BRINP1: variants seen among roughly 807,000 people sequenced by gnomAD.
The protein encoded by BRINP1 is BMP/retinoic acid inducible neural specific 1.
A neutral mutation model predicts 72.9 loss-of-function variants in BRINP1; 17 were observed. The ratio of observed to expected loss-of-function variants is 0.23; its 90% CI spans 0.16 to 0.35. BRINP1 has a LOEUF of 0.35. Among genes scored for constraint, BRINP1 ranks in the 10% least tolerant of loss-of-function variants. The probability of loss-of-function intolerance (pLI) is 1.00; values close to 1 mark genes in which losing one functional copy is unlikely to be tolerated. For missense variants in BRINP1, 850 were observed against 1,001.6 expected (o/e 0.85, Z 2.04); for synonymous variants, 418 against 378.5 (o/e 1.10, Z -1.21).
intron 7 of BRINP1, among the ~76,000 whole-genome samples, chr9:119,195,615 A>G (rs1436547645): frequency 6.6e-6 from 1 of 152,224 alleles, no homozygotes; most frequent in Non-Finnish European, 1.5e-5. Context: ...CACATGGGGT[A>G]AATTTATTTC....
At chr9:119,275,693 G>A (rs1830650087) in intron 2 of BRINP1, among the ~76,000 whole-genome samples, 1 of 152,158 alleles carries the variant, frequency 6.6e-6, no homozygotes, top group East Asian at 1.9e-4. Flanking sequence ...TACCTATAGT[G>A]CTGTTTTCAC....
At chr9:119,355,352 T>C (rs755126833) in intron 1 of BRINP1, among the ~76,000 whole-genome samples, 3 of 152,218 alleles carry the variant, frequency 2.0e-5, no homozygotes, top group Non-Finnish European at 4.4e-5. Flanking sequence ...GTGAGGCATG[T>C]TGCGAAGTGC....
chr9:119,365,948 C>A (rs1831686463), intron 1 of BRINP1, among the ~76,000 whole-genome samples: 1 of 152,096 alleles, frequency 6.6e-6, no homozygotes, highest in Non-Finnish European at 1.5e-5. Flanking sequence ...TATCTGCCTG[C>A]ACCCCGAAAC....
chr9:119,295,226 A>G (rs1830862806), intron 2 of BRINP1, among the ~76,000 whole-genome samples: 1 of 151,852 alleles, frequency 6.6e-6, no homozygotes, highest in Non-Finnish European at 1.5e-5. Flanking sequence ...CATTTTTGGT[A>G]GAGGCGGGGT....
chr9:119,210,755 C>T (rs1344602696), intron 6 of BRINP1, among the ~76,000 whole-genome samples: 1 of 152,200 alleles, frequency 6.6e-6, no homozygotes, highest in Non-Finnish European at 1.5e-5. Context: ...GGAGTCACAT[C>T]TTGAGTGCTG....
intron 2 of BRINP1, among the ~76,000 whole-genome samples, chr9:119,293,014 T>C (rs1424886656): frequency 1.3e-5 from 2 of 152,182 alleles, no homozygotes; most frequent in Non-Finnish European, 2.9e-5. Flanking sequence ...GGGCACTTTT[T>C]CTGTCTGAGT....
At chr9:119,172,519 C>T (rs1194895939) in intron 7 of BRINP1, among the ~76,000 whole-genome samples, 29 of 151,624 alleles carry the variant, frequency 1.9e-4, no homozygotes, top group Middle Eastern at 6.8e-3. Flanking sequence ...AGTCCAGGAC[C>T]AGATGGATTC....
chr9:119,203,161 A>T (rs1366057300), intron 7 of BRINP1, among the ~76,000 whole-genome samples: 2 of 152,184 alleles, frequency 1.3e-5, no homozygotes, highest in Admixed American at 6.5e-5. Flanking sequence ...GCAGTCTCCT[A>T]TCTGCCACTG....
intron 4 of BRINP1, among the ~76,000 whole-genome samples, chr9:119,241,582 A>G (rs2118911575): frequency 6.6e-6 from 1 of 152,350 alleles, no homozygotes; most frequent in South Asian, 2.1e-4. Flanking sequence ...AAGGCTTTAA[A>G]CCTTTAGCCT....
intron 5 of BRINP1, 85 bp downstream of exon 5, chr9:119,238,570 C>T: frequency 2.7e-6 from 2 of 748,486 alleles, no homozygotes; most frequent in Non-Finnish European, 4.4e-6. Flanking sequence ...TCTCCCTTCA[C>T]TCCATCCCTC....
chr9:119,264,104 T>A (rs1830524085), intron 2 of BRINP1, among the ~76,000 whole-genome samples: 1 of 152,152 alleles, frequency 6.6e-6, no homozygotes, highest in Non-Finnish European at 1.5e-5. Flanking sequence ...TGACTTCCTG[T>A]TTCTATTTAT....
chr9:119,299,560 C>A (rs1425487877), intron 2 of BRINP1, among the ~76,000 whole-genome samples: 1 of 151,358 alleles, frequency 6.6e-6, no homozygotes, highest in Non-Finnish European at 1.5e-5. Flanking sequence ...TTGCAGTGAG[C>A]CGAGACTGCA....
chr9:119,200,665 A>G (rs1216655630), intron 7 of BRINP1, among the ~76,000 whole-genome samples: 1 of 151,672 alleles, frequency 6.6e-6, no homozygotes, highest in Non-Finnish European at 1.5e-5. Context: ...GAAAAGAAAA[A>G]AGATATACTG....
chr9:119,184,090 G>GA lies in BRINP1; in HGVS notation c.1146-15867dup, dbSNP rs557758135. ...GCTACTTCCGAGCCACAGGGGGGGAGAAAAAAAGAAAAAACCAAAAACAAC... is the reference window on the plus strand; with the variant it reads ...GCTACTTCCGAGCCACAGGGGGGGAGAAAAAAAAGAAAAAACCAAAAACAAC... On this transcript the variant is annotated intron_variant, in intron 7 of 7. Transcript: ENST00000265922. Among the ~76,000 whole-genome samples the GA allele has an allele frequency of 4.7e-3, 721 of 151,986 alleles. 1 individual carries two copies. Among genetic ancestry groups the GA allele is most frequent in the Non-Finnish European group, 8.1e-3 (553 of 67,936 alleles).
intron 7 of BRINP1, among the ~76,000 whole-genome samples, chr9:119,171,221 T>C (rs1829405737): frequency 1.3e-5 from 2 of 149,316 alleles, no homozygotes; most frequent in Non-Finnish European, 3.0e-5. Flanking sequence ...ATCAGTGTGC[T>C]GTATTCAGGA....
In BRINP1 at chr9:119,368,948, G is replaced by A; in HGVS notation, c.-51+108C>T. On this transcript the variant is annotated intron_variant, in intron 1 of 7. Transcript: ENST00000265922. This position sits in a 1 kb window ranked among gnomAD's most constrained non-coding sequence, Gnocchi z 4.7. ...GCGGCCAGGTGAAGAGCGGACAAGG[G>A]TGCCGGTAGGGGGAGGGGCAGAGGA... 1 of 385,382 alleles carries A rather than the reference G, an allele frequency of 2.6e-6. No individual in the cohort carries two copies. Among genetic ancestry groups the A allele is most frequent in the Non-Finnish European group, 4.6e-6 (1 of 217,972 alleles). The allele number at this position is 385,382 out of a possible 1,614,324, so 23.9% of individuals were successfully genotyped here.
At chr9:119,339,693 A>G (rs906771254) in intron 1 of BRINP1, among the ~76,000 whole-genome samples, 6 of 152,226 alleles carry the variant, frequency 3.9e-5, no homozygotes, top group African/African-American at 1.4e-4. Flanking sequence ...TCTATTTTAC[A>G]GATGAGGAAA....
intron 3 of BRINP1, among the ~76,000 whole-genome samples, chr9:119,242,643 C>T (rs1830265457): frequency 6.6e-6 from 1 of 152,216 alleles, no homozygotes; most frequent in African/African-American, 2.4e-5. Flanking sequence ...CCCATCTCCC[C>T]TTCATTTCTT....
intron 1 of BRINP1, among the ~76,000 whole-genome samples, chr9:119,350,352 G>A (rs1831494614): frequency 6.6e-6 from 1 of 152,106 alleles, no homozygotes; most frequent in Non-Finnish European, 1.5e-5. Flanking sequence ...AAGCTCTTGA[G>A]GGTTAATAAC....
Sources: gnomAD v4.1 joint callset for allele counts (sites outside exome capture counted in the v4.1 genomes callset) on GRCh38, gnomAD v4.1.1 for gene constraint, Gnocchi (gnomAD v3.1) non-coding constraint, MANE v1.5 for transcripts, NCBI Gene and HGNC (gene_info 2026-07-23, HGNC 2026-07-21) for gene names.